CSNK2A1: variants seen among roughly 807,000 people sequenced by gnomAD.
The protein encoded by CSNK2A1 is casein kinase II subunit alpha.
In CSNK2A1, 10 loss-of-function variants were observed where a neutral mutation model predicts 62.9. That is an observed-to-expected ratio of 0.16 (90% CI 0.10 to 0.27). CSNK2A1 has a LOEUF of 0.27. CSNK2A1 is among the 10% of genes least tolerant of loss of function. The pLI, the probability that CSNK2A1 is intolerant of heterozygous loss-of-function variation, is 1.00. For synonymous variants in CSNK2A1, 124 were observed against 167.8 expected, an observed-to-expected ratio of 0.74 and a Z score of 2.02; for missense variants, 160 against 492.0, an observed-to-expected ratio of 0.33 and a Z score of 6.38.
At chr20:511,852 A>C (rs1472725341) in intron 2 of CSNK2A1, among the ~76,000 whole-genome samples, 5 of 152,160 alleles carry the variant, frequency 3.3e-5, no homozygotes, top group Admixed American at 3.3e-4. Context: ...CCTCGCTTTC[A>C]AATCTTTTAT....
intron 9 of CSNK2A1, among the ~76,000 whole-genome samples, chr20:491,305 C>A (rs937097509): frequency 1.3e-5 from 2 of 152,172 alleles, no homozygotes; most frequent in South Asian, 2.1e-4. Context: ...GGGGAGAAGA[C>A]CTTTTTATTT....
At chr20:512,140 C>A (rs1402529003) in intron 2 of CSNK2A1, among the ~76,000 whole-genome samples, 1 of 151,942 alleles carries the variant, frequency 6.6e-6, no homozygotes, top group Non-Finnish European at 1.5e-5. Context: ...CCTCCCACCT[C>A]GGCCTCCCAA....
chr20:519,818 CCAAA>C (rs1315968845), intron 2 of CSNK2A1, among the ~76,000 whole-genome samples: 10 of 152,046 alleles, frequency 6.6e-5, no homozygotes, highest in Non-Finnish European at 1.3e-4. Flanking sequence ...ACAGACAGCT[CCAAA>C]CAAACACTGA....
chr20:495,381 T>C (rs997090341), intron 8 of CSNK2A1: 1 of 230,904 alleles, frequency 4.3e-6, no homozygotes, highest in East Asian at 1.0e-4. Context: ...AGGGCTATTA[T>C]TACCCACACT....
intron 2 of CSNK2A1, among the ~76,000 whole-genome samples, chr20:522,684 C>A (rs1009183391): frequency 2.8e-5 from 4 of 142,676 alleles, no homozygotes; most frequent in Non-Finnish European, 6.1e-5. Flanking sequence ...ATGTTAATTT[C>A]TTAATTATTT....
At chr20:535,722 A>G (rs1171564427) in intron 1 of CSNK2A1, among the ~76,000 whole-genome samples, 1 of 151,032 alleles carries the variant, frequency 6.6e-6, no homozygotes, top group East Asian at 1.9e-4. Context: ...CTTGGGCGAC[A>G]GAGCAAGACT....
chr20:484,497 G>A (rs550603269), intron 13 of CSNK2A1, among the ~76,000 whole-genome samples: 28 of 152,158 alleles, frequency 1.8e-4, no homozygotes, highest in Non-Finnish European at 3.4e-4. Flanking sequence ...ATAGCCTCAC[G>A]TGGCTAGTCA....
chr20:525,836 TAAAAA>T (rs397864425), intron 2 of CSNK2A1, among the ~76,000 whole-genome samples: 5 of 71,048 alleles, frequency 7.0e-5, no homozygotes, highest in Non-Finnish European at 1.4e-4. Flanking sequence ...TTAAAACTAT[TAAAAA>T]AAAAAAAAAA....
chr20:528,024 A>G lies in CSNK2A1; in HGVS notation c.-201T>C, dbSNP rs1213004383. 6.6e-6 allele frequency: 1 copy of G among 152,240 alleles called. No homozygotes were observed. The highest frequency in any genetic ancestry group is 6.5e-5 in the Admixed American group (1 of 15,284). 9.4% of individuals were successfully genotyped at this position (152,240 alleles called of 1,614,324 possible). A position where few individuals can be genotyped will look rare whatever the true frequency, so the allele number is the denominator to read the frequency against. ...CTGCATGATTTACCATGTGATGAGC[A>G]CACTGCTTGACAAGCCTTGATAGAG... On this transcript the variant is annotated 5_prime_UTR_variant, in exon 2 of 14. Transcript: ENST00000217244.
rs1331796074 is a variant in CSNK2A1, at chr20:475,036, G to A, written c.*8925C>T. Reference sequence around the variant, plus strand: ...AATTATAGAGCAAATACAACATTTAGGTACCACCCCAATAAACACAACACC... The same window carrying A: ...AATTATAGAGCAAATACAACATTTAAGTACCACCCCAATAAACACAACACC... On this transcript the variant is annotated 3_prime_UTR_variant, in exon 14 of 14. Coordinates refer to ENST00000217244, the MANE Select transcript of CSNK2A1 (RefSeq NM_177559.3). 1.3e-5 allele frequency: 2 copies of A among 152,092 alleles called. No homozygotes were observed. Among genetic ancestry groups the A allele is most frequent in the Non-Finnish European group, 2.9e-5 (2 of 68,030 alleles). The allele number at this position is 152,092 out of a possible 1,614,324, so 9.4% of individuals were successfully genotyped here.
intron 2 of CSNK2A1, among the ~76,000 whole-genome samples, chr20:521,067 T>C (rs1171308936): frequency 6.6e-6 from 1 of 152,204 alleles, no homozygotes; most frequent in East Asian, 1.9e-4. Context: ...ACTAAAAGCA[T>C]GGGCTGTAAA....
At position 484,099 on chromosome 20, in the gene CSNK2A1, G is replaced by A. The variant is rs920555577; in HGVS notation, c.1061-23C>T. 3.3e-6 allele frequency: 5 copies of A among 1,534,134 alleles called. No homozygotes were observed. The African/African-American group carries it at 7.0e-5, about 21-fold the overall frequency. On this transcript the variant is annotated intron_variant, in intron 13 of 13. Transcript: ENST00000217244. ...TCCCTGAAAGAAAAGAGCTGTCAGT[G>A]AGCCAAAGACACCAACCATGGCAAT...
intron 2 of CSNK2A1, among the ~76,000 whole-genome samples, chr20:518,853 C>A (rs1406584079): frequency 6.6e-6 from 1 of 151,354 alleles, no homozygotes; most frequent in Non-Finnish European, 1.5e-5. Flanking sequence ...CCGCACCCAG[C>A]CAATTATTTA....
chr20:498,504 C>G (rs1417373630), intron 6 of CSNK2A1: 2 of 152,160 alleles, frequency 1.3e-5, no homozygotes, highest in African/African-American at 4.8e-5. Flanking sequence ...CCATGCCCAG[C>G]CACAGGTACG....
chr20:534,476 C>G (rs1024873065), intron 1 of CSNK2A1, among the ~76,000 whole-genome samples: 3 of 152,142 alleles, frequency 2.0e-5, no homozygotes, highest in Non-Finnish European at 4.4e-5. Context: ...TGTGTGGCTA[C>G]TGAAGGGAGA....
chr20:499,367 G>C lies in CSNK2A1; in HGVS notation c.316-62C>G. On this transcript the variant is annotated intron_variant, in intron 5 of 13. Transcript: ENST00000217244. This position sits in a 1 kb window ranked among gnomAD's most constrained non-coding sequence, Gnocchi z 4.2. ...CAATAGCCCTGACAGCTTTAATGGG[G>C]ACAATGTTTGCGGATGCTGCGTGGT... 13 of 1,518,670 alleles carry C rather than the reference G, an allele frequency of 8.6e-6. No individual in the cohort carries two copies. The highest frequency in any genetic ancestry group is 9.9e-6 in the Non-Finnish European group (11 of 1,112,546). 94.1% of individuals were successfully genotyped at this position (1,518,670 alleles called of 1,614,324 possible).
Position 479,835 on chromosome 20 carries a change from T to C in CSNK2A1, c.*4126A>G, listed in dbSNP as rs1418058546. On this transcript the variant is annotated 3_prime_UTR_variant, in exon 14 of 14. Transcript: ENST00000217244. Reference sequence around the variant, plus strand: ...CAAAATCCTCAAAAATCTGAAATTTTTTAAGCATCAACATGATGCCTAAAG... The same window carrying C: ...CAAAATCCTCAAAAATCTGAAATTTCTTAAGCATCAACATGATGCCTAAAG... 6.6e-6 allele frequency: 1 copy of C among 152,258 alleles called. No individual in the cohort carries two copies. Among genetic ancestry groups the C allele is most frequent in the Non-Finnish European group, 1.5e-5 (1 of 68,044 alleles). 9.4% of individuals were successfully genotyped at this position (152,258 alleles called of 1,614,324 possible). A position where few individuals can be genotyped will look rare whatever the true frequency, so the allele number is the denominator to read the frequency against.
chr20:504,467 T>C (rs1011550499), intron 4 of CSNK2A1: 1 of 152,238 alleles, frequency 6.6e-6, no homozygotes. Flanking sequence ...AGGCCAAATC[T>C]GGCCTGTGCA....
rs112750166 is a variant in CSNK2A1, at chr20:508,666, G to A, written c.-109-6C>T. 5.7e-6 allele frequency: 5 copies of A among 872,144 alleles called. No individual in the cohort carries two copies. The highest frequency in any genetic ancestry group is 3.4e-5 in the African/African-American group (2 of 58,978). 54.0% of individuals were successfully genotyped at this position (872,144 alleles called of 1,614,324 possible). On this transcript the variant is annotated splice_polypyrimidine_tract_variant and splice_region_variant and intron_variant, in intron 2 of 13. Coordinates refer to ENST00000217244, the MANE Select transcript of CSNK2A1 (RefSeq NM_177559.3). ...TCAGACCTGTTTTCTTCAAACTGCA[G>A]AAACAAAATGCACAAAGTCCAAGGA...
Sources: gnomAD v4.1 joint callset for allele counts (sites outside exome capture counted in the v4.1 genomes callset) on GRCh38, gnomAD v4.1.1 for gene constraint, Gnocchi (gnomAD v3.1) non-coding constraint, MANE v1.5 for transcripts, NCBI Gene and HGNC (gene_info 2026-07-23, HGNC 2026-07-21) for gene names.